RYR2: variants seen among roughly 807,000 people sequenced by gnomAD.
RYR2 encodes cardiac muscle ryanodine receptor-calcium release channel.
In RYR2, 227 loss-of-function variants were observed where a neutral mutation model predicts 601.1. That is an observed-to-expected ratio of 0.38 (90% confidence interval 0.34 to 0.42). RYR2 has a LOEUF of 0.42. Among genes scored for constraint, RYR2 ranks in the 10% least tolerant of loss-of-function variants. The probability of loss-of-function intolerance (pLI) is 1.00; values close to 1 mark genes in which losing one functional copy is unlikely to be tolerated. For synonymous variants in RYR2, 2,223 were observed against 2,175.1 expected, an observed-to-expected ratio of 1.02 and a Z score of -0.61; for missense variants, 4,646 against 6,156.5, an observed-to-expected ratio of 0.75 and a Z score of 8.21.
chr1:237,472,301 C>T lies in RYR2; in HGVS notation c.1708+3114C>T, dbSNP rs145403649. Among the ~76,000 whole-genome samples, 82 of 152,160 alleles carry T rather than the reference C, an allele frequency of 5.4e-4. 1 individual carries two copies. Among genetic ancestry groups the T allele is most frequent in the African/African-American group, 1.9e-3 (79 of 41,510 alleles). ...CACACTCTCCTCATCTCGTTAGTGC[C>T]CTAGCTGCAGATTCAAACTGAAGAA... On this transcript the variant is annotated intron_variant, in intron 17 of 104. Transcript: ENST00000366574.
intron 1 of RYR2, among the ~76,000 whole-genome samples, chr1:237,164,882 T>G (rs1408682506): frequency 6.6e-6 from 1 of 152,208 alleles, no homozygotes; most frequent in Non-Finnish European, 1.5e-5. Context: ...TTCTGATATA[T>G]TTAAAATCAT....
intron 62 of RYR2, among the ~76,000 whole-genome samples, chr1:237,682,552 C>A (rs1685983331): frequency 6.6e-6 from 1 of 152,114 alleles, no homozygotes; most frequent in Non-Finnish European, 1.5e-5. Flanking sequence ...GGTACAGTAA[C>A]ATGCTGCACA....
chr1:237,609,471 G>A (rs1011892295), intron 35 of RYR2, among the ~76,000 whole-genome samples: 2 of 151,202 alleles, frequency 1.3e-5, no homozygotes, highest in Admixed American at 1.3e-4. Flanking sequence ...CCAGGTTCAA[G>A]CAATTCTCCC....
At chr1:237,544,459 T>C (rs1160487557) in intron 25 of RYR2, among the ~76,000 whole-genome samples, 5 of 152,174 alleles carry the variant, frequency 3.3e-5, no homozygotes, top group Non-Finnish European at 7.4e-5. Flanking sequence ...TTTTCCCATT[T>C]TGGTGGCTAT....
intron 8 of RYR2, among the ~76,000 whole-genome samples, chr1:237,378,057 T>C (rs1701178193): frequency 6.6e-6 from 1 of 152,216 alleles, no homozygotes. Flanking sequence ...AAGAGGTTTG[T>C]TGGACTTACA....
intron 13 of RYR2, among the ~76,000 whole-genome samples, chr1:237,444,806 A>C (rs749164891): frequency 3.9e-5 from 6 of 152,218 alleles, no homozygotes; most frequent in African/African-American, 1.4e-4. Context: ...AAAACAAAAA[A>C]CTATCAAAAG....
rs142847719 is a variant in RYR2, at chr1:237,357,352, C to T, written c.294+1367C>T. Among the ~76,000 whole-genome samples the T allele has an allele frequency of 4.6e-5, 7 of 152,266 alleles. No individual in the cohort carries two copies. The East Asian group carries it at 1.4e-3, about 29-fold the overall frequency. ...TATGACACCTCTTTGTCCTGCACTTCCCTAATATCAGCATCCTACAACATA... is the reference window on the plus strand; with the variant it reads ...TATGACACCTCTTTGTCCTGCACTTTCCTAATATCAGCATCCTACAACATA... On this transcript the variant is annotated intron_variant, in intron 4 of 104. Coordinates refer to ENST00000366574, the MANE Select transcript of RYR2 (RefSeq NM_001035.3).
rs116578695 is a variant in RYR2 at position 237,502,607 on chromosome 1, T to C, written c.2397-682T>C. On this transcript the variant is annotated intron_variant, in intron 21 of 104. Transcript: ENST00000366574. Reference sequence around the variant, plus strand: ...CTCACAGACACAGTTCACAATAGGGTTCGCACTCCTATGAAAATCTAAGGC... The same window carrying C: ...CTCACAGACACAGTTCACAATAGGGCTCGCACTCCTATGAAAATCTAAGGC... Among the ~76,000 whole-genome samples, 661 of 152,072 alleles carry C rather than the reference T, an allele frequency of 4.3e-3. 2 individuals carry two copies. The highest frequency in any genetic ancestry group is 0.014 in the African/African-American group (597 of 41,470).
chr1:237,474,510 T>C (rs1381870790), intron 17 of RYR2, among the ~76,000 whole-genome samples: 1 of 151,968 alleles, frequency 6.6e-6, no homozygotes, highest in East Asian at 2.0e-4. Flanking sequence ...GTGAAGAAGA[T>C]TGTGTAGATT....
At chr1:237,508,619 T>C (rs1315300030) in intron 23 of RYR2, among the ~76,000 whole-genome samples, 1 of 152,040 alleles carries the variant, frequency 6.6e-6, no homozygotes, top group Non-Finnish European at 1.5e-5. Context: ...TGTTTCTTCT[T>C]TAAGAACTGA....
At chr1:237,581,704 C>A (rs1673934139) in intron 29 of RYR2, among the ~76,000 whole-genome samples, 1 of 152,284 alleles carries the variant, frequency 6.6e-6, no homozygotes, top group South Asian at 2.1e-4. Context: ...TCTGTACCAT[C>A]CCCAAACCCA....
chr1:237,535,588 GT>G (rs1668535114), intron 25 of RYR2, among the ~76,000 whole-genome samples: 1 of 151,640 alleles, frequency 6.6e-6, no homozygotes, highest in Non-Finnish European at 1.5e-5. Flanking sequence ...ACACTTCACA[GT>G]TTATTTTCTG....
At chr1:237,536,990 C>T (rs77478175) in intron 25 of RYR2, among the ~76,000 whole-genome samples, 1 of 151,858 alleles carries the variant, frequency 6.6e-6, no homozygotes, top group African/African-American at 2.4e-5. Context: ...TCATAAAAAA[C>T]CCCTGCAGAT....
At chr1:237,796,377 T>C (rs1356204797) in intron 96 of RYR2, among the ~76,000 whole-genome samples, 1 of 152,180 alleles carries the variant, frequency 6.6e-6, no homozygotes, top group Non-Finnish European at 1.5e-5. Context: ...CTATGGTACC[T>C]AATTTGTCCT....
At chr1:237,283,385 G>A (rs58114547) in intron 2 of RYR2, among the ~76,000 whole-genome samples, 23,888 of 151,848 alleles carry the variant, frequency 0.16, 1,930 homozygotes, top group Middle Eastern at 0.17. Context: ...CTTTGACTGC[G>A]TAACTTGCTG....
chr1:237,422,458 T>C (rs1249260280), intron 11 of RYR2, among the ~76,000 whole-genome samples: 2 of 152,184 alleles, frequency 1.3e-5, no homozygotes, highest in Non-Finnish European at 2.9e-5. Flanking sequence ...ATTACATTTT[T>C]TCCTGACTTT....
intron 95 of RYR2, 100 bp downstream of exon 95, chr1:237,794,097 T>C: frequency 2.0e-6 from 2 of 985,784 alleles, no homozygotes; most frequent in Middle Eastern, 4.2e-4. Flanking sequence ...TTAGCAGAGG[T>C]GAATAATAGT....
chr1:237,355,608 T>C (rs955503457), intron 3 of RYR2, among the ~76,000 whole-genome samples: 8 of 152,126 alleles, frequency 5.3e-5, no homozygotes, highest in Non-Finnish European at 1.2e-4. Flanking sequence ...ATTAAATCAG[T>C]TTTTATAATT....
At position 237,501,191 on chromosome 1, in the gene RYR2, G is replaced by C. The variant is rs576329023; in HGVS notation, c.2396+288G>C. Among the ~76,000 whole-genome samples, 226 of 132,800 alleles carry C rather than the reference G, an allele frequency of 1.7e-3. 2 individuals are homozygous for C. Among genetic ancestry groups the C allele is most frequent in the African/African-American group, 6.7e-3 (214 of 32,064 alleles). 87.1% of individuals were successfully genotyped at this position (132,800 alleles called of 152,430 possible). On this transcript the variant is annotated intron_variant, in intron 21 of 104. Coordinates refer to ENST00000366574, the MANE Select transcript of RYR2 (RefSeq NM_001035.3). ...CAAGGTGTTTTTTTTTTTTTTTTTA[G>C]TTCATTTATTTAGATGAAATGAGCA...
Sources: gnomAD v4.1 joint callset for allele counts (sites outside exome capture counted in the v4.1 genomes callset) on GRCh38, gnomAD v4.1.1 for gene constraint, MANE v1.5 for transcripts, NCBI Gene and HGNC (gene_info 2026-07-23, HGNC 2026-07-21) for gene names.